Variants in PKIG observed in about 807,000 individuals in gnomAD.
PKIG encodes protein kinase (cAMP-dependent, catalytic) inhibitor gamma.
In PKIG, 1 loss-of-function variant was observed where a neutral mutation model predicts 6.8. That is an observed-to-expected ratio of 0.15 (90% CI 0.05 to 0.69). PKIG has a LOEUF of 0.69. PKIG is among the 30% of genes least tolerant of loss of function. The pLI is 0.82. For missense variants in PKIG, 77 were observed against 104.0 expected, an observed-to-expected ratio of 0.74 and a Z score of 1.13; for synonymous variants, 39 against 43.0, an observed-to-expected ratio of 0.91 and a Z score of 0.36.
chr20:44,557,362 A>C (rs992109968), intron 1 of PKIG, among the ~76,000 whole-genome samples: 1 of 151,980 alleles, frequency 6.6e-6, no homozygotes, highest in African/African-American at 2.4e-5. Context: ...CCTCGTCTCC[A>C]CTAAAAAGAC....
At chr20:44,534,721 G>A (rs1018614998) in intron 1 of PKIG, among the ~76,000 whole-genome samples, 4 of 152,070 alleles carry the variant, frequency 2.6e-5, no homozygotes, top group African/African-American at 4.8e-5. Context: ...CACCCGCATC[G>A]GCCTCCCAAG....
chr20:44,567,807 C>T (rs1003091469), intron 1 of PKIG, among the ~76,000 whole-genome samples: 2 of 152,346 alleles, frequency 1.3e-5, no homozygotes, highest in African/African-American at 2.4e-5. Context: ...TTATGTCTCT[C>T]TTCACCATTT....
chr20:44,546,060 G>A (rs1412707009), intron 1 of PKIG, among the ~76,000 whole-genome samples: 3 of 152,040 alleles, frequency 2.0e-5, no homozygotes, highest in Non-Finnish European at 2.9e-5. Flanking sequence ...CACAAGCCTG[G>A]GAAATACAGC....
intron 1 of PKIG, among the ~76,000 whole-genome samples, chr20:44,543,121 A>G (rs906010014): frequency 1.3e-5 from 2 of 152,204 alleles, no homozygotes; most frequent in African/African-American, 2.4e-5. Context: ...CTTACTGCAC[A>G]ATATACTTAA....
chr20:44,542,898 AT>A (rs1188336254), intron 1 of PKIG, among the ~76,000 whole-genome samples: 1 of 152,180 alleles, frequency 6.6e-6, no homozygotes, highest in Admixed American at 6.5e-5. Context: ...CAGCAGCTAT[AT>A]TTTATAAACC....
chr20:44,548,895 CACACACACAT>C (rs371897804), intron 1 of PKIG, among the ~76,000 whole-genome samples: 14,122 of 141,610 alleles, frequency 0.1, 719 homozygotes, highest in African/African-American at 0.15. Context: ...CACACACACA[CACACACACAT>C]ATATCTGTCT....
At chr20:44,564,606 T>C (rs2064795306) in intron 1 of PKIG, among the ~76,000 whole-genome samples, 1 of 152,230 alleles carries the variant, frequency 6.6e-6, no homozygotes, top group Non-Finnish European at 1.5e-5. Context: ...GGGGTCTTGC[T>C]GTGTTTTCCA....
At chr20:44,537,663 C>T (rs1024827313) in intron 1 of PKIG, among the ~76,000 whole-genome samples, 20 of 151,042 alleles carry the variant, frequency 1.3e-4, no homozygotes, top group Non-Finnish European at 2.5e-4. Context: ...CTGCACCCTT[C>T]GCCTTTGAGG....
chr20:44,586,981 C>T (rs184622701), intron 1 of PKIG, among the ~76,000 whole-genome samples: 4 of 152,336 alleles, frequency 2.6e-5, no homozygotes, highest in Non-Finnish European at 5.9e-5. Context: ...AATGGCCCTT[C>T]ATGGCACCGA....
chr20:44,567,189 A>G (rs1032950308), intron 1 of PKIG, among the ~76,000 whole-genome samples: 1 of 152,236 alleles, frequency 6.6e-6, no homozygotes, highest in African/African-American at 2.4e-5. Context: ...AATGAAATGC[A>G]GGCTGGGGAA....
intron 2 of PKIG, chr20:44,598,850 T>C (rs1299468034): frequency 1.3e-5 from 2 of 152,294 alleles, no homozygotes; most frequent in East Asian, 3.9e-4. Flanking sequence ...CTGTGTGAAG[T>C]AGTAACACCG....
chr20:44,597,112 C>T (rs1052456149), intron 2 of PKIG, among the ~76,000 whole-genome samples: 1 of 152,116 alleles, frequency 6.6e-6, no homozygotes, highest in Admixed American at 6.6e-5. Flanking sequence ...TGATACCCAA[C>T]CATCAGTAAC....
intron 1 of PKIG, among the ~76,000 whole-genome samples, chr20:44,562,226 T>G (rs1396550413): frequency 6.6e-6 from 1 of 152,146 alleles, no homozygotes; most frequent in Non-Finnish European, 1.5e-5. Flanking sequence ...AAAGTATGAT[T>G]CTTAGAAAAG....
At chr20:44,534,643 A>G (rs2064496509) in intron 1 of PKIG, among the ~76,000 whole-genome samples, 1 of 151,874 alleles carries the variant, frequency 6.6e-6, no homozygotes, top group African/African-American at 2.4e-5. Flanking sequence ...TAATTTTTGT[A>G]TTTTTAGTAG....
intron 1 of PKIG, among the ~76,000 whole-genome samples, chr20:44,587,900 C>G (rs2065003483): frequency 6.6e-6 from 1 of 152,184 alleles, no homozygotes; most frequent in South Asian, 2.1e-4. Flanking sequence ...TTTATACTTT[C>G]CTGGACGTGT....
rs546183652 is a variant in PKIG at position 44,539,304 on chromosome 20, A to G, written c.-241+7326A>G. Among the ~76,000 whole-genome samples the G allele has an allele frequency of 5.3e-5, 8 of 152,232 alleles. No homozygotes were observed. The South Asian group carries it at 1.7e-3, about 32-fold the overall frequency. On this transcript the variant is annotated intron_variant, in intron 1 of 4. Coordinates refer to the PKIG transcript ENST00000372887. ...ACTGGGATCCAAACAAGGTGCCTGT[A>G]TTAGACCTGATTGATGATCTCTTAA...
upstream of PKIG, among the ~76,000 whole-genome samples, chr20:44,578,899 C>T (rs1194214421): frequency 4.6e-5 from 7 of 152,056 alleles, no homozygotes; most frequent in Admixed American, 2.0e-4. Flanking sequence ...CAACCAGGCA[C>T]GGTGGCTCAC....
At chr20:44,597,039 A>ATACT (rs2065081144) in intron 2 of PKIG, among the ~76,000 whole-genome samples, 1 of 152,112 alleles carries the variant, frequency 6.6e-6, no homozygotes, top group Non-Finnish European at 1.5e-5. Flanking sequence ...TCTGCCTCGC[A>ATACT]TACTTAGATG....
intron 1 of PKIG, among the ~76,000 whole-genome samples, chr20:44,574,859 C>T (rs928767529): frequency 1.2e-4 from 19 of 152,166 alleles, no homozygotes; most frequent in Admixed American, 1.0e-3. Flanking sequence ...CGTGAGCTAC[C>T]GTGCCCAGCC....
Sources: allele counts gnomAD v4.1 joint callset (sites outside exome capture counted in the v4.1 genomes callset), GRCh38; gene constraint gnomAD v4.1.1; transcripts MANE v1.5; gene names NCBI Gene and HGNC (gene_info 2026-07-23, HGNC 2026-07-21).